C1QTNF5: variants seen among roughly 807,000 people sequenced by gnomAD.
C1QTNF5 encodes C1q and TNF related 5.
A neutral mutation model predicts 10.9 loss-of-function variants in C1QTNF5; 5 were observed. The ratio of observed to expected loss-of-function variants is 0.46; its 90% CI spans 0.24 to 0.97. C1QTNF5 has a LOEUF of 0.97. Ranked by LOEUF, C1QTNF5 falls within the 50% of genes least tolerant of loss-of-function variation. The probability of loss-of-function intolerance (pLI) is 0.19; values close to 1 mark genes in which losing one functional copy is unlikely to be tolerated. For missense variants in C1QTNF5, 281 were observed against 339.4 expected, an observed-to-expected ratio of 0.83 and a Z score of 1.35; for synonymous variants, 161 against 156.5, an observed-to-expected ratio of 1.03 and a Z score of -0.22.
chr11:119,343,993 A>G (rs911586718), upstream of C1QTNF5: 1 of 1,608,874 alleles, frequency 6.2e-7, no homozygotes, highest in Non-Finnish European at 8.5e-7. Flanking sequence ...GGAGCAATTC[A>G]TGGCCCCTTC....
chr11:119,345,116 G>A, upstream of C1QTNF5: 1 of 1,422,794 alleles, frequency 7.0e-7, no homozygotes, highest in Non-Finnish European at 9.6e-7. Flanking sequence ...TGGTGACCAT[G>A]TGGTCAAAAA....
chr11:119,345,269 G>A (rs117866758), upstream of C1QTNF5: 231 of 839,644 alleles, frequency 2.8e-4, no homozygotes, highest in Non-Finnish European at 4.0e-4. Context: ...TCTTCCTCAC[G>A]GCACACAGCA....
At chr11:119,345,708 C>G, upstream of C1QTNF5, 1 of 1,612,518 alleles carries the variant, frequency 6.2e-7, no homozygotes, top group Non-Finnish European at 8.5e-7. Flanking sequence ...TCTTCCTCAC[C>G]CTCCCCTCAA....
chr11:119,345,860 T>C (rs1307571197), upstream of C1QTNF5: 1 of 1,613,244 alleles, frequency 6.2e-7, no homozygotes, highest in African/African-American at 1.3e-5. Flanking sequence ...GGGGTGGTGG[T>C]GGTCGTGGTA....
At chr11:119,342,506 G>A, upstream of C1QTNF5, 1 of 1,536,750 alleles carries the variant, frequency 6.5e-7, no homozygotes, top group East Asian at 2.4e-5. Context: ...CCCTCAGGGA[G>A]GTTGGGATGG....
chr11:119,342,292 G>A (rs910591410), upstream of C1QTNF5, among the ~76,000 whole-genome samples: 5 of 152,222 alleles, frequency 3.3e-5, no homozygotes, highest in African/African-American at 1.2e-4. Context: ...CTCTGTGTAA[G>A]AGGATGCCTT....
upstream of C1QTNF5, chr11:119,342,452 G>A (rs2135368679): frequency 9.6e-7 from 1 of 1,042,566 alleles, no homozygotes. Context: ...AGGACTCTGT[G>A]AAGTGGTCCC....
chr11:119,344,550 T>C (rs1950538847), upstream of C1QTNF5: 3 of 1,610,012 alleles, frequency 1.9e-6, no homozygotes, highest in South Asian at 3.3e-5. Context: ...AGGGCCCGGT[T>C]TGAGGCTGGA....
chr11:119,345,374 A>G (rs1950551698), upstream of C1QTNF5: 2 of 1,575,828 alleles, frequency 1.3e-6, no homozygotes, highest in East Asian at 4.5e-5. Flanking sequence ...CTCTTTAGAT[A>G]GTGGTTCAGG....
chr11:119,342,468 C>A, upstream of C1QTNF5: 1 of 1,244,318 alleles, frequency 8.0e-7, no homozygotes, highest in Non-Finnish European at 1.1e-6. Flanking sequence ...GTCCCAGAGT[C>A]AGGATGGTGA....
upstream of C1QTNF5, chr11:119,341,583 C>G: frequency 6.2e-7 from 1 of 1,612,874 alleles, no homozygotes; most frequent in Non-Finnish European, 8.5e-7. Context: ...TCAGCTGCCT[C>G]TGGCAGCCTG....
upstream of C1QTNF5, chr11:119,344,099 C>CT: frequency 8.3e-7 from 1 of 1,203,968 alleles, no homozygotes; most frequent in Middle Eastern, 2.3e-4. Context: ...TCTTAAGGAC[C>CT]TTTAATTTAC....
chr11:119,339,705 C>T lies in C1QTNF5; in HGVS notation c.358G>A (p.Asp120Asn), dbSNP rs1950478147. ...RSESRVPPPSDAPLPFDRVLV... is the reference protein window; with the variant it reads ...RSESRVPPPSNAPLPFDRVLV... ...ACGCGGTCGAAGGGCAAGGGTGCGT[C>T]AGACGGCGGAGGCACCCGGCTCTCG... Residue 120 changes from aspartate to asparagine, a missense_variant, in exon 3 of 3, where the codon GAC (aspartate) becomes AAC (asparagine). Asp to Asn is a conservative substitution (Grantham distance 23). Transcript: ENST00000528368. The surrounding 1 kb of genome is among the most constrained non-coding windows in gnomAD (Gnocchi z 5.4). 1 of 1,605,616 alleles carries T rather than the reference C, an allele frequency of 6.2e-7. No individual in the cohort carries two copies.
chr11:119,342,180 G>T (rs1014107633), upstream of C1QTNF5, among the ~76,000 whole-genome samples: 2 of 152,200 alleles, frequency 1.3e-5, no homozygotes, highest in African/African-American at 2.4e-5. Flanking sequence ...CTCCAGCATC[G>T]CTTGCCAGCC....
chr11:119,344,979 T>TG (rs1435204327), upstream of C1QTNF5: 13 of 1,607,024 alleles, frequency 8.1e-6, no homozygotes, highest in Admixed American at 3.4e-5. Context: ...GTGTTGAGCG[T>TG]GGGGGGAGGC....
At position 119,339,992 on chromosome 11, in the gene C1QTNF5, C is replaced by G; in HGVS notation, c.215-144G>C. 2 of 1,304,894 alleles carry G rather than the reference C, an allele frequency of 1.5e-6. No homozygotes were observed. Among genetic ancestry groups the G allele is most frequent in the African/African-American group, 3.1e-5 (2 of 64,162 alleles). 80.8% of individuals were successfully genotyped at this position (1,304,894 alleles called of 1,614,324 possible). A position where few individuals can be genotyped will look rare whatever the true frequency, so the allele number is the denominator to read the frequency against. On this transcript the variant is annotated intron_variant, in intron 2 of 2. Transcript: ENST00000528368. This position sits in a 1 kb window ranked among gnomAD's most constrained non-coding sequence, Gnocchi z 5.4. ...TCCCGCACGGGTACCTCCTCCACCC[C>G]TTCCCGCAGGGCAGATCTGGGGGGC...
At chr11:119,346,464 C>T in the C1QTNF5 span, 1 of 1,614,126 alleles carries the variant, frequency 6.2e-7, no homozygotes, top group Non-Finnish European at 8.5e-7. Context: ...CCTTACCTTG[C>T]TCGATTCTGT....
rs1050350671 is a variant in C1QTNF5 at position 119,340,045 on chromosome 11, C to G, written c.214+139G>C. The G allele has an allele frequency of 7.9e-6, 10 of 1,268,804 alleles. No individual in the cohort carries two copies. The Admixed American group carries it at 1.7e-4, about 22-fold the overall frequency. 78.6% of individuals were successfully genotyped at this position (1,268,804 alleles called of 1,614,324 possible). The stretch of plus-strand genomic sequence containing the variant: ...GCCAAGGGGGCTCCCGCCGCCTGGG[C>G]CCCTCCCCCGCTCAGGGCTGCAAAG... On this transcript the variant is annotated intron_variant, in intron 2 of 2. Transcript: ENST00000528368.
chr11:119,339,254 C>T lies in C1QTNF5; in HGVS notation c.*77G>A. 2.6e-6 allele frequency: 4 copies of T among 1,510,950 alleles called. No individual in the cohort carries two copies. The highest frequency in any genetic ancestry group is 3.6e-6 in the Non-Finnish European group (4 of 1,112,330). The allele number at this position is 1,510,950 out of a possible 1,614,324, so 93.6% of individuals were successfully genotyped here. On this transcript the variant is annotated 3_prime_UTR_variant, in exon 3 of 3. Coordinates refer to ENST00000528368, the MANE Select transcript of C1QTNF5 (RefSeq NM_001278431.2). This position sits in a 1 kb window ranked among gnomAD's most constrained non-coding sequence, Gnocchi z 5.4. The stretch of plus-strand genomic sequence containing the variant: ...ATTCACAATATTCCAGGGGGGCCAG[C>T]CCTCCTGGATGACCTGGTTGTCAGC...
Sources: allele counts gnomAD v4.1 joint callset (sites outside exome capture counted in the v4.1 genomes callset), GRCh38; gene constraint gnomAD v4.1.1; non-coding constraint Gnocchi (gnomAD v3.1); transcripts MANE v1.5; gene names NCBI Gene and HGNC (gene_info 2026-07-23, HGNC 2026-07-21).